ABLIM2: variants seen among roughly 807,000 people sequenced by gnomAD.
The protein encoded by ABLIM2 is actin binding LIM protein family member 2.
ABLIM2 carries 53 observed loss-of-function variants against 97.7 expected under a neutral mutation model. The observed-to-expected ratio is 0.54, with a 90% CI of 0.44 to 0.68. The LOEUF is 0.68. ABLIM2 is among the 30% of genes least tolerant of loss of function. ABLIM2 has a pLI of 0.00. For synonymous variants in ABLIM2, 361 were observed against 345.8 expected (o/e 1.04, Z -0.49); for missense variants, 835 against 867.2 (o/e 0.96, Z 0.47).
intron 7 of ABLIM2, among the ~76,000 whole-genome samples, chr4:8,056,555 C>G (rs1273581354): frequency 6.6e-6 from 1 of 151,922 alleles, no homozygotes; most frequent in Non-Finnish European, 1.5e-5. Context: ...CCTGCCTTGG[C>G]CTCCCAAAGT....
intron 14 of ABLIM2, among the ~76,000 whole-genome samples, chr4:8,012,541 T>C (rs1765753296): frequency 1.5e-5 from 2 of 136,240 alleles, no homozygotes; most frequent in African/African-American, 5.5e-5. Context: ...TATTAATCCA[T>C]CCATCTACCC....
chr4:7,976,708 C>T (rs561737440), intron 20 of ABLIM2, among the ~76,000 whole-genome samples: 15 of 152,060 alleles, frequency 9.9e-5, no homozygotes, highest in South Asian at 4.2e-4. Context: ...TGCACACACA[C>T]GTATATCCAT....
chr4:8,149,309 C>T lies in ABLIM2; in HGVS notation c.10+9371G>A, dbSNP rs945534234. On this transcript the variant is annotated intron_variant, in intron 1 of 20. Transcript: ENST00000447017. The surrounding 1 kb of genome is among the most constrained non-coding windows in gnomAD (Gnocchi z 6.4). Reference sequence around the variant, plus strand: ...TAGTCGCATATGAACAGTCATTTTGCCGCATGAGGTCACATAGTCACAGGG... The same window carrying T: ...TAGTCGCATATGAACAGTCATTTTGTCGCATGAGGTCACATAGTCACAGGG... Among the ~76,000 whole-genome samples the T allele has an allele frequency of 3.9e-5, 6 of 152,256 alleles. No individual in the cohort carries two copies. Among genetic ancestry groups the T allele is most frequent in the African/African-American group, 1.4e-4 (6 of 41,550 alleles).
At chr4:8,065,868 G>A (rs1250654324) in intron 6 of ABLIM2, among the ~76,000 whole-genome samples, 1 of 151,138 alleles carries the variant, frequency 6.6e-6, no homozygotes, top group Non-Finnish European at 1.5e-5. Context: ...AGGTTGCAGT[G>A]AGCTGAGATC....
At chr4:7,968,652 G>T (rs1271913668) in intron 20 of ABLIM2, among the ~76,000 whole-genome samples, 1 of 152,214 alleles carries the variant, frequency 6.6e-6, no homozygotes, top group Non-Finnish European at 1.5e-5. Context: ...ACAGAGCATG[G>T]ATTCGTGGTC....
chr4:8,131,060 A>G (rs1460850596), intron 1 of ABLIM2, among the ~76,000 whole-genome samples: 1 of 152,178 alleles, frequency 6.6e-6, no homozygotes, highest in East Asian at 1.9e-4. Flanking sequence ...CTCTCTTAGA[A>G]TAACTGTGAT....
chr4:8,090,719 T>A lies in ABLIM2; in HGVS notation c.339-2435A>T, dbSNP rs577073300. On this transcript the variant is annotated intron_variant, in intron 3 of 20. Transcript: ENST00000447017. ...ATTAGATTTGTCTTTTTTTTTATTT[T>A]TATTTTTTTGCGGGATCACAGAGCA... Among the ~76,000 whole-genome samples the A allele has an allele frequency of 9.7e-4, 147 of 151,992 alleles. 1 individual carries two copies. The highest frequency in any genetic ancestry group is 3.4e-3 in the Middle Eastern group (1 of 294).
intron 14 of ABLIM2, chr4:8,010,573 G>A: frequency 1.0e-6 from 1 of 985,860 alleles, no homozygotes; most frequent in South Asian, 4.7e-5. Context: ...GGCCAAAATT[G>A]AAGACTGAGC....
chr4:8,091,339 T>A (rs1167695324), intron 3 of ABLIM2, among the ~76,000 whole-genome samples: 5,863 of 36,352 alleles, frequency 0.16, 1,318 homozygotes, highest in Non-Finnish European at 0.17. Context: ...ATTATATATA[T>A]AATATATATA....
rs1800692428 is a variant in ABLIM2, at chr4:8,058,384, A to G, written c.763+2583T>C. ...GGCCTGAGAAAGGCAGGCCTGTGTG[A>G]TCCACGGCCCTGTGACAATGGCCGC... On this transcript the variant is annotated intron_variant, in intron 7 of 20. Coordinates refer to ENST00000447017, the MANE Select transcript of ABLIM2 (RefSeq NM_001130083.2). This position sits in a 1 kb window ranked among gnomAD's most constrained non-coding sequence, Gnocchi z 4.2. Among the ~76,000 whole-genome samples the G allele has an allele frequency of 6.6e-6, 1 of 152,186 alleles. No homozygotes were observed. Among genetic ancestry groups the G allele is most frequent in the African/African-American group, 2.4e-5 (1 of 41,466 alleles).
At chr4:8,014,156 T>A (rs1348060024) in intron 14 of ABLIM2, among the ~76,000 whole-genome samples, 2 of 152,248 alleles carry the variant, frequency 1.3e-5, no homozygotes, top group East Asian at 3.9e-4. Context: ...GAGGCAAGTC[T>A]GGGACTCTGG....
chr4:7,991,583 C>A (rs1017739214), intron 17 of ABLIM2, among the ~76,000 whole-genome samples: 10 of 152,218 alleles, frequency 6.6e-5, no homozygotes, highest in Admixed American at 1.3e-4. Context: ...TCTCTTATCT[C>A]CCCTGCTTTC....
chr4:8,096,465 G>A (rs1831616317), intron 3 of ABLIM2, among the ~76,000 whole-genome samples: 1 of 152,138 alleles, frequency 6.6e-6, no homozygotes, highest in Non-Finnish European at 1.5e-5. Context: ...GACACAGAGC[G>A]ACTCTCCCTA....
At chr4:7,985,755 C>T (rs1743409769) in intron 17 of ABLIM2, among the ~76,000 whole-genome samples, 1 of 152,184 alleles carries the variant, frequency 6.6e-6, no homozygotes, top group Non-Finnish European at 1.5e-5. Flanking sequence ...AGCTCCTGCA[C>T]CTGTCTCAGG....
At chr4:8,037,650 A>AC (rs1392469973) in intron 9 of ABLIM2, among the ~76,000 whole-genome samples, 3 of 150,906 alleles carry the variant, frequency 2.0e-5, no homozygotes, top group Admixed American at 2.0e-4. Context: ...CAATCACCCC[A>AC]CCCCTACCAA....
Position 8,100,083 on chromosome 4 carries a change from G to A in ABLIM2, c.155-2801C>T, listed in dbSNP as rs370077821. Among the ~76,000 whole-genome samples, 9 of 152,288 alleles carry A rather than the reference G, an allele frequency of 5.9e-5. No individual in the cohort carries two copies. The East Asian group carries it at 1.4e-3, about 23-fold the overall frequency. ...TCATTTACGAGAAACAGGCAGGAGA[G>A]GGTGGCGGCTGGGGGGAAAAGATGA... is the stretch of plus-strand genomic sequence containing the variant. On this transcript the variant is annotated intron_variant, in intron 2 of 20. Transcript: ENST00000447017.
At chr4:7,967,877 GT>G (rs1214236289) in intron 20 of ABLIM2, among the ~76,000 whole-genome samples, 1 of 152,238 alleles carries the variant, frequency 6.6e-6, no homozygotes, top group African/African-American at 2.4e-5. Context: ...GACTGTACCC[GT>G]GGGTGCTGGC....
At chr4:8,047,052 C>T (rs1440892383) in intron 8 of ABLIM2, among the ~76,000 whole-genome samples, 3 of 152,112 alleles carry the variant, frequency 2.0e-5, no homozygotes, top group African/African-American at 4.8e-5. Flanking sequence ...CAGCGGCTGG[C>T]GTGGGTGACA....
At chr4:8,053,797 G>A (rs1048302826) in intron 8 of ABLIM2, among the ~76,000 whole-genome samples, 2 of 152,158 alleles carry the variant, frequency 1.3e-5, no homozygotes, top group Non-Finnish European at 2.9e-5. Flanking sequence ...AGTTATCTCG[G>A]GAGTTTGGCC....
Sources: allele counts gnomAD v4.1 joint callset (sites outside exome capture counted in the v4.1 genomes callset), GRCh38; gene constraint gnomAD v4.1.1; non-coding constraint Gnocchi (gnomAD v3.1); transcripts MANE v1.5; gene names NCBI Gene and HGNC (gene_info 2026-07-23, HGNC 2026-07-21).